The following DCTN1 variants were observed in gnomAD, a reference collection of about 807,000 sequenced individuals.
DCTN1 encodes the protein 150 kDa dynein-associated polypeptide.
Under a neutral mutation model 161.2 loss-of-function variants are expected in DCTN1, and 61 were observed. The ratio of observed to expected loss-of-function variants is 0.38; its 90% confidence interval spans 0.31 to 0.47. The LOEUF is 0.47. DCTN1 is among the 20% of genes least tolerant of loss of function. DCTN1 has a pLI of 0.99. For missense variants in DCTN1, 1,404 were observed against 1,623.7 expected, an observed-to-expected ratio of 0.86 and a Z score of 2.33; for synonymous variants, 653 against 632.4, an observed-to-expected ratio of 1.03 and a Z score of -0.49.
intron 1 of DCTN1, among the ~76,000 whole-genome samples, chr2:74,389,132 G>A (rs1344025639): frequency 1.3e-5 from 2 of 152,042 alleles, no homozygotes; most frequent in Non-Finnish European, 2.9e-5. Context: ...GGGCAGCAAG[G>A]GCCCATGCTC....
chr2:74,362,167 G>C (rs749542713), intron 30 of DCTN1, 26 bp from the exon 31 acceptor site: 31 of 1,609,014 alleles, frequency 1.9e-5, no homozygotes, highest in Middle Eastern at 1.6e-4. Context: ...GGAAGACAAG[G>C]GTTCATTTAT....
Position 74,366,914 on chromosome 2 carries a change from C to T in DCTN1, c.2335G>A (p.Asp779Asn). ...AFLQGGQEATDIALLLRDLET... is the reference protein window; with the variant it reads ...AFLQGGQEATNIALLLRDLET... Reference sequence around the variant, plus strand: ...AGATCCCGGAGCAGGAGGGCAATATCTGTAGCCTCCTGCCCACCCTACTCA... The same window carrying T: ...AGATCCCGGAGCAGGAGGGCAATATTTGTAGCCTCCTGCCCACCCTACTCA... Residue 779 changes from aspartate to asparagine, a missense_variant, in exon 21 of 32, where the codon GAT becomes AAT. Asp to Asn is a conservative substitution (Grantham distance 23, BLOSUM62 1). Transcript: ENST00000628224. 1.9e-6 allele frequency: 3 copies of T among 1,614,244 alleles called. No homozygotes were observed. Among genetic ancestry groups the T allele is most frequent in the Non-Finnish European group, 2.5e-6 (3 of 1,180,040 alleles).
intron 16 of DCTN1, 110 bp downstream of exon 16, chr2:74,368,618 C>A (rs951007227): frequency 2.4e-5 from 35 of 1,482,350 alleles, no homozygotes; most frequent in Non-Finnish European, 3.1e-5. Flanking sequence ...TCCACTATAC[C>A]ATAAACTCTT....
Position 74,362,057 on chromosome 2 carries a change from G to A in DCTN1, c.3694C>T (p.Leu1232Phe). 3 of 1,613,728 alleles carry A rather than the reference G, an allele frequency of 1.9e-6. No homozygotes were observed. Among genetic ancestry groups the A allele is most frequent in the East Asian group, 2.2e-5 (1 of 44,850 alleles). ...CACCCCATGCTCCCCCTCACCCTGA[G>A]GAAGGCTGATGAAGGGAAGGTGGCA... ...DFATFPSSAF[L>F]RAKEEQQDDT... Residue 1232 changes from leucine to phenylalanine, a missense_variant, in exon 31 of 32, where the codon CTC becomes TTC. By Grantham distance (22) the Leu-to-Phe change is conservative. Transcript: ENST00000628224.
intron 29 of DCTN1, 118 bp downstream of exon 29, chr2:74,362,876 C>A: frequency 1.5e-6 from 2 of 1,364,350 alleles, no homozygotes; most frequent in Non-Finnish European, 2.0e-6. Flanking sequence ...AACAGTGAAG[C>A]CAAAGAACAC....
chr2:74,379,987 C>T lies in DCTN1; in HGVS notation c.33+18G>A, dbSNP rs1675436913. 1 of 1,614,022 alleles carries T rather than the reference C, an allele frequency of 6.2e-7. No individual in the cohort carries two copies. The highest frequency in any genetic ancestry group is 8.5e-7 in the Non-Finnish European group (1 of 1,179,862). On this transcript the variant is annotated intron_variant, in intron 1 of 31. Transcript: ENST00000628224. The stretch of plus-strand genomic sequence containing the variant: ...CCCCAGCAGCCCTCCAGGGCCATCC[C>T]AGATTAGGGCCACTTACCCGGCTGT...
intron 1 of DCTN1, chr2:74,391,575 A>C (rs1241280274): frequency 3.0e-6 from 1 of 334,874 alleles, no homozygotes; most frequent in Non-Finnish European, 5.9e-6. Flanking sequence ...AGGCGCAGTC[A>C]CTCTGATCCC....
chr2:74,366,072 C>T, intron 23 of DCTN1, 54 bp from the exon 24 acceptor site: 1 of 1,613,758 alleles, frequency 6.2e-7, no homozygotes. Context: ...AAGAGATCAT[C>T]ACTGTGCTCC....
chr2:74,366,643 G>A, intron 21 of DCTN1, 23 bp from the exon 22 acceptor site: 1 of 1,612,818 alleles, frequency 6.2e-7, no homozygotes, highest in East Asian at 2.2e-5. Flanking sequence ...CCAGAGTCAG[G>A]AGTCAACCCT....
chr2:74,380,721 GAGGAGGCAGGCCCTGCCC>G (rs1186571965), upstream of DCTN1, among the ~76,000 whole-genome samples: 2 of 152,230 alleles, frequency 1.3e-5, no homozygotes, highest in Non-Finnish European at 2.9e-5. Context: ...CACTGAGCCA[GAGGAGGCAGGCCCTGCCC>G]AGGAGGCAGC....
upstream of DCTN1, among the ~76,000 whole-genome samples, chr2:74,382,733 A>T (rs1486320741): frequency 1.3e-5 from 2 of 152,182 alleles, no homozygotes; most frequent in African/African-American, 4.8e-5. Flanking sequence ...GGTGAGCTAG[A>T]AAGAAAGGGA....
At chr2:74,378,321 C>A in intron 1 of DCTN1, 76 bp from the exon 2 acceptor site, 1 of 1,570,658 alleles carries the variant, frequency 6.4e-7, no homozygotes, top group South Asian at 1.1e-5. Context: ...AGAAATGCCT[C>A]AGCCAAGATG....
chr2:74,366,839 G>A lies in DCTN1; in HGVS notation c.2410C>T (p.Arg804Ter), dbSNP rs1674450649. ...IRQFCKKIRR[R>*]MPGTDAPGIP... ...CCAGGAGCATCTGTCCCTGGCATTC[G>A]CCTTCGGATCTTCTTGCAGAACTGG... is the stretch of plus-strand genomic sequence containing the variant. Residue 804 changes from arginine to a stop codon, truncating the protein, a stop_gained, in exon 21 of 32, where the codon CGA becomes TGA. Transcript: ENST00000628224. LOFTEE classifies it high-confidence loss of function. 1 of 1,614,246 alleles carries A rather than the reference G, an allele frequency of 6.2e-7. No individual in the cohort carries two copies. Among genetic ancestry groups the A allele is most frequent in the Non-Finnish European group, 8.5e-7 (1 of 1,180,050 alleles).
Position 74,366,491 on chromosome 2 carries a change from G to C in DCTN1, c.2596C>G (p.Leu866Val), listed in dbSNP as rs527389133. The change falls in exon 22 of 32, where the codon CTG (leucine) becomes GTG (valine). Residue 866 changes from leucine to valine, a missense_variant. By Grantham distance (32) the Leu-to-Val change is conservative. Transcript: ENST00000628224. ...CTTGCTTTGAAAGCCAGTTCCTCCAGAGCAGCCACAAGTAGCCCCTCATTC... is the reference window on the plus strand; with the variant it reads ...CTTGCTTTGAAAGCCAGTTCCTCCACAGCAGCCACAAGTAGCCCCTCATTC... ...AENEGLLVAALEELAFKASEQ... is the reference protein window; with the variant it reads ...AENEGLLVAAVEELAFKASEQ... The C allele has an allele frequency of 2.8e-5, 46 of 1,614,164 alleles. 1 individual carries two copies. In the South Asian group the frequency reaches 4.9e-4, roughly 17 times the overall value.
rs2103655091 is a variant in DCTN1 at position 74,370,225 on chromosome 2, T to C, written c.1248A>G (p.Leu416=). 1 of 1,613,992 alleles carries C rather than the reference T, an allele frequency of 6.2e-7. No individual in the cohort carries two copies. Residue 416 remains leucine (L), a synonymous_variant, in exon 12 of 32, where the codon CTA becomes CTG. Transcript: ENST00000628224. This position sits in a 1 kb window ranked among gnomAD's most constrained non-coding sequence, Gnocchi z 4.4. ...RQQRERLQEE[L]SQAESTIDEL... ...CATCAATGGTGCTCTCTGCCTGGCT[T>C]AGCTCCTCCTGCAGACGCTCCCGCT...
chr2:74,386,910 T>C lies in DCTN1; in HGVS notation c.-19+4884A>G, dbSNP rs1240390134. On this transcript the variant is annotated intron_variant, in intron 1 of 27. Coordinates refer to the DCTN1 transcript ENST00000409240. ...TGCACCCTGTCTACTGGATCTTACA[T>C]GGCATCAGAAAACCCATAAACAAGA... 7 of 152,298 alleles carry C rather than the reference T, an allele frequency of 4.6e-5. No homozygotes were observed. In the East Asian group the frequency reaches 1.3e-3, roughly 29 times the overall value. 9.4% of individuals were successfully genotyped at this position (152,298 alleles called of 1,614,324 possible).
At chr2:74,378,368 C>A in intron 1 of DCTN1, 123 bp from the exon 2 acceptor site, 1 of 1,302,282 alleles carries the variant, frequency 7.7e-7, no homozygotes, top group South Asian at 1.3e-5. Context: ...TTTCTTAAAC[C>A]CCATTTACAG....
Position 74,362,724 on chromosome 2 carries a change from T to G in DCTN1, c.3535A>C (p.Lys1179Gln). ...TCCATAAGTTGGGCCGACGGGCTCT[T>G]GGCAGCTGTGGGGAGAGAAAGCTGG... is the stretch of plus-strand genomic sequence containing the variant. ...VDITRTSPAA[K>Q]SPSAQLMEQV... The change falls in exon 30 of 32, where the codon AAG becomes CAG. Residue 1179 changes from lysine to glutamine, a missense_variant. Physicochemically the swap from Lys to Gln is moderately conservative, Grantham distance 53. Coordinates refer to ENST00000628224, the MANE Select transcript of DCTN1 (RefSeq NM_004082.5). 6.2e-7 allele frequency: 1 copy of G among 1,613,934 alleles called. No homozygotes were observed. Among genetic ancestry groups the G allele is most frequent in the Non-Finnish European group, 8.5e-7 (1 of 1,179,968 alleles).
intron 21 of DCTN1, 43 bp from the exon 22 acceptor site, chr2:74,366,663 A>T (rs769633629): frequency 6.2e-7 from 1 of 1,613,416 alleles, no homozygotes; most frequent in Non-Finnish European, 8.5e-7. Flanking sequence ...TGGGTTCAGC[A>T]CCACAGTTTC....
Sources: allele counts gnomAD v4.1 joint callset (sites outside exome capture counted in the v4.1 genomes callset), GRCh38; gene constraint gnomAD v4.1.1; non-coding constraint Gnocchi (gnomAD v3.1); transcripts MANE v1.5; gene names NCBI Gene and HGNC (gene_info 2026-07-23, HGNC 2026-07-21).